PRDM16: variants seen among roughly 807,000 people sequenced by gnomAD.
PRDM16 encodes the protein histone-lysine N-methyltransferase PRDM16.
In PRDM16, 23 loss-of-function variants were observed where a neutral mutation model predicts 110.6. The ratio of observed to expected loss-of-function variants is 0.21; its 90% CI spans 0.15 to 0.29. PRDM16 has a LOEUF of 0.29. PRDM16 is among the 10% of genes least tolerant of loss of function. The probability of loss-of-function intolerance (pLI) is 1.00; values close to 1 mark genes in which losing one functional copy is unlikely to be tolerated. For missense variants in PRDM16, 1,615 were observed against 1,794.3 expected, an observed-to-expected ratio of 0.90 and a Z score of 1.81; for synonymous variants, 799 against 781.8, an observed-to-expected ratio of 1.02 and a Z score of -0.37.
chr1:3,323,915 C>T (rs558992495), intron 3 of PRDM16, among the ~76,000 whole-genome samples: 30 of 152,346 alleles, frequency 2.0e-4, no homozygotes, highest in African/African-American at 6.7e-4. Context: ...CTTACTCCAC[C>T]AACATTGCGG....
intron 3 of PRDM16, among the ~76,000 whole-genome samples, chr1:3,291,485 A>G (rs931160254): frequency 6.6e-6 from 1 of 152,174 alleles, no homozygotes; most frequent in African/African-American, 2.4e-5. Context: ...ATCCGCTGTC[A>G]TCACTGATCC....
intron 12 of PRDM16, among the ~76,000 whole-genome samples, chr1:3,419,490 A>G (rs1638371963): frequency 6.6e-6 from 1 of 152,176 alleles, no homozygotes; most frequent in African/African-American, 2.4e-5. Context: ...CACCGGGGTC[A>G]GTGCCTGGGA....
intron 1 of PRDM16, among the ~76,000 whole-genome samples, chr1:3,072,742 G>C (rs1490531811): frequency 2.6e-5 from 4 of 152,216 alleles, no homozygotes; most frequent in Admixed American, 1.3e-4. Context: ...TAGGGCAGCA[G>C]CGCCAGGACG....
intron 1 of PRDM16, among the ~76,000 whole-genome samples, chr1:3,079,824 T>C (rs1029111738): frequency 1.3e-5 from 2 of 152,144 alleles, no homozygotes; most frequent in African/African-American, 4.8e-5. Context: ...CAAGCGTGCT[T>C]CTGAGGTTGG....
rs948844773 is a variant in PRDM16, at chr1:3,265,803, C to T, written c.438+21666C>T. Among the ~76,000 whole-genome samples the T allele has an allele frequency of 3.9e-5, 6 of 152,084 alleles. No individual in the cohort carries two copies. Among genetic ancestry groups the T allele is most frequent in the African/African-American group, 1.4e-4 (6 of 41,404 alleles). On this transcript the variant is annotated intron_variant, in intron 3 of 16. Coordinates refer to ENST00000270722, the MANE Select transcript of PRDM16 (RefSeq NM_022114.4). The surrounding 1 kb of genome is among the most constrained non-coding windows in gnomAD (Gnocchi z 4.5). The stretch of plus-strand genomic sequence containing the variant: ...ACGCTCTGTCCTCACCGCCCAGACC[C>T]TAGGAGCCCCCAGACCCTGCCTCAG...
chr1:3,269,705 G>A (rs967200401), intron 3 of PRDM16, among the ~76,000 whole-genome samples: 3 of 151,804 alleles, frequency 2.0e-5, no homozygotes, highest in Non-Finnish European at 2.9e-5. Context: ...ACAGTCAGGA[G>A]GAGCACAGTC....
chr1:3,098,705 G>A (rs1044294311), intron 1 of PRDM16, among the ~76,000 whole-genome samples: 4 of 152,344 alleles, frequency 2.6e-5, no homozygotes, highest in Admixed American at 2.0e-4. Flanking sequence ...ACACGGGGGT[G>A]CTGTTAGTTC....
chr1:3,110,753 C>G (rs1416017063), intron 1 of PRDM16, among the ~76,000 whole-genome samples: 2 of 152,206 alleles, frequency 1.3e-5, no homozygotes, highest in African/African-American at 4.8e-5. Flanking sequence ...TTGTGGGCTT[C>G]CTGTGGTCCT....
At position 3,175,466 on chromosome 1, in the gene PRDM16, CA is replaced by C. The variant is rs997662499; in HGVS notation, c.38-10658del. Among the ~76,000 whole-genome samples, 26 of 152,316 alleles carry C rather than the reference CA, an allele frequency of 1.7e-4. No homozygotes were observed. The highest frequency in any genetic ancestry group is 6.3e-4 in the African/African-American group (26 of 41,556). ...CACCTCTCCCTCTCCCTGTTTTGTTCAGGGGGCAGGATGGCCCTTCACTGCT... is the reference window on the plus strand; with the variant it reads ...CACCTCTCCCTCTCCCTGTTTTGTTCGGGGGCAGGATGGCCCTTCACTGCT... On this transcript the variant is annotated intron_variant, in intron 1 of 16. Coordinates refer to ENST00000270722, the MANE Select transcript of PRDM16 (RefSeq NM_022114.4). This position sits in a 1 kb window ranked among gnomAD's most constrained non-coding sequence, Gnocchi z 4.8.
intron 2 of PRDM16, among the ~76,000 whole-genome samples, chr1:3,187,902 G>T (rs899507881): frequency 2.6e-5 from 4 of 152,232 alleles, no homozygotes; most frequent in Non-Finnish European, 5.9e-5. Flanking sequence ...CAGGGTGGAA[G>T]CTGCAGCTCT....
intron 3 of PRDM16, among the ~76,000 whole-genome samples, chr1:3,253,270 A>T (rs1287022871): frequency 6.6e-6 from 1 of 151,640 alleles, no homozygotes; most frequent in African/African-American, 2.4e-5. Flanking sequence ...GGTTAGTTAC[A>T]TATGTATACA....
rs1055554539 is a variant in PRDM16, at chr1:3,425,181, C to CATT, written c.2940-399_2940-397dup. 5 of 159,350 alleles carry CATT rather than the reference C, an allele frequency of 3.1e-5. No homozygotes were observed. The highest frequency in any genetic ancestry group is 1.2e-4 in the African/African-American group (5 of 41,484). The allele number at this position is 159,350 out of a possible 1,614,324, so 9.9% of individuals were successfully genotyped here. A position where few individuals can be genotyped will look rare whatever the true frequency, so the allele number is the denominator to read the frequency against. ...CAAGCTCCGCCTCCCGGGTTCACGC[C>CATT]ATTCTCCTGCCTCAGCCTCCAGAGT... On this transcript the variant is annotated intron_variant, in intron 12 of 16. Transcript: ENST00000270722. The surrounding 1 kb of genome is among the most constrained non-coding windows in gnomAD (Gnocchi z 6.9).
intron 1 of PRDM16, among the ~76,000 whole-genome samples, chr1:3,181,565 C>A (rs62653678): frequency 1.8e-4 from 6 of 33,950 alleles, no homozygotes; most frequent in South Asian, 2.5e-3. Context: ...GTCTTACACA[C>A]GCAGTCTTAC....
chr1:3,169,648 GA>G (rs1232891802), intron 1 of PRDM16, among the ~76,000 whole-genome samples: 2 of 151,086 alleles, frequency 1.3e-5, no homozygotes, highest in Non-Finnish European at 3.0e-5. Context: ...AACGATTAAA[GA>G]AAAAAAAACA....
rs1306382751 is a variant in PRDM16, at chr1:3,245,799, C to A, written c.438+1662C>A. 6.6e-6 allele frequency among the ~76,000 whole-genome samples: 1 copy of A among 152,158 alleles called. No homozygotes were observed. Among genetic ancestry groups the A allele is most frequent in the Non-Finnish European group, 1.5e-5 (1 of 68,040 alleles). On this transcript the variant is annotated intron_variant, in intron 3 of 16. Transcript: ENST00000270722. This position sits in a 1 kb window ranked among gnomAD's most constrained non-coding sequence, Gnocchi z 4.7. ...AGCGCTGCTGTATTTCCGAGAACTGCAGTATTTTCACTTCCCACAAAAAGT... is the reference window on the plus strand; with the variant it reads ...AGCGCTGCTGTATTTCCGAGAACTGAAGTATTTTCACTTCCCACAAAAAGT...
chr1:3,117,529 C>T (rs540176418), intron 1 of PRDM16, among the ~76,000 whole-genome samples: 3 of 152,184 alleles, frequency 2.0e-5, no homozygotes, highest in East Asian at 1.9e-4. Flanking sequence ...CTGGCTACCA[C>T]GCAGGCCTCG....
At chr1:3,363,969 G>A (rs894208816) in intron 3 of PRDM16, among the ~76,000 whole-genome samples, 1 of 151,500 alleles carries the variant, frequency 6.6e-6, no homozygotes, top group Non-Finnish European at 1.5e-5. Flanking sequence ...AGCGCCCCCC[G>A]CCCCCCGAGC....
chr1:3,115,155 G>C (rs75025529), intron 1 of PRDM16, among the ~76,000 whole-genome samples: 2 of 152,216 alleles, frequency 1.3e-5, no homozygotes, highest in Non-Finnish European at 1.5e-5. Flanking sequence ...TGAGTGGTTG[G>C]GGGGGCACTC....
At chr1:3,405,711 C>A (rs572364957) in intron 8 of PRDM16, 63 bp downstream of exon 8, 2 of 1,463,832 alleles carry the variant, frequency 1.4e-6, no homozygotes, top group Non-Finnish European at 1.8e-6. Context: ...GCGGTCGGGC[C>A]GAGGTGGGCC....
Sources: gnomAD v4.1 joint callset for allele counts (sites outside exome capture counted in the v4.1 genomes callset) on GRCh38, gnomAD v4.1.1 for gene constraint, Gnocchi (gnomAD v3.1) non-coding constraint, MANE v1.5 for transcripts, NCBI Gene and HGNC (gene_info 2026-07-23, HGNC 2026-07-21) for gene names.